The following URI1 variants were observed in gnomAD, a reference collection of about 807,000 sequenced individuals.
URI1 encodes the protein URI1 prefoldin like chaperone, also known as unconventional prefoldin RPB5 interactor 1.
Under a neutral mutation model 60.2 loss-of-function variants are expected in URI1, and 39 were observed. The ratio of observed to expected loss-of-function variants is 0.65; its 90% CI spans 0.50 to 0.85. The LOEUF is 0.85. Among genes scored for constraint, URI1 ranks in the 40% least tolerant of loss-of-function variants. The pLI is 0.00. For missense variants in URI1, 691 were observed against 665.9 expected (o/e 1.04, Z -0.42); for synonymous variants, 251 against 236.8 (o/e 1.06, Z -0.55).
intron 1 of URI1, among the ~76,000 whole-genome samples, chr19:29,967,740 G>C (rs1367986367): frequency 6.6e-6 from 1 of 152,192 alleles, no homozygotes; most frequent in Non-Finnish European, 1.5e-5. Context: ...TATAGGGACT[G>C]TGCACTTTAG....
At chr19:29,973,602 T>A (rs914592733) in intron 2 of URI1, among the ~76,000 whole-genome samples, 3 of 152,062 alleles carry the variant, frequency 2.0e-5, no homozygotes, top group African/African-American at 7.2e-5. Context: ...TCAGAAATAA[T>A]CTAAATTGGT....
chr19:29,994,502 A>G (rs927819349), intron 4 of URI1, among the ~76,000 whole-genome samples: 1 of 152,178 alleles, frequency 6.6e-6, no homozygotes, highest in Admixed American at 6.5e-5. Flanking sequence ...GATACCTTAC[A>G]TAAGTGGAAT....
intron 4 of URI1, among the ~76,000 whole-genome samples, chr19:29,997,953 C>T (rs367970795): frequency 6.6e-5 from 10 of 152,046 alleles, no homozygotes; most frequent in African/African-American, 1.2e-4. Flanking sequence ...TTAGTAGAGT[C>T]GGGGTTTCAC....
intron 4 of URI1, among the ~76,000 whole-genome samples, chr19:29,990,258 G>C (rs537360263): frequency 6.6e-6 from 1 of 152,310 alleles, no homozygotes; most frequent in African/African-American, 2.4e-5. Context: ...TTGTTGGTGA[G>C]GATGTGAAAA....
intron 4 of URI1, among the ~76,000 whole-genome samples, chr19:29,991,763 A>G (rs963721091): frequency 2.0e-4 from 30 of 152,294 alleles, no homozygotes; most frequent in Admixed American, 1.8e-3. Context: ...AATACTCCCT[A>G]TAAGTTTAGG....
At position 29,942,926 on chromosome 19, in the gene URI1, G is replaced by A. The variant is rs888806; in HGVS notation, c.117+262G>A. Among the ~76,000 whole-genome samples, 1,126 of 152,332 alleles carry A rather than the reference G, an allele frequency of 7.4e-3. 43 individuals are homozygous for A. The East Asian group carries it at 0.13, about 18-fold the overall frequency. ...TGCGGCAGCGCGTGGGAATTTGGGG[G>A]CGGGGGCAGCACGCTGTCAACGGAA... is the stretch of plus-strand genomic sequence containing the variant. On this transcript the variant is annotated intron_variant, in intron 1 of 10. Transcript: ENST00000392271.
At chr19:29,965,378 C>T (rs955855288) in intron 1 of URI1, among the ~76,000 whole-genome samples, 5 of 152,104 alleles carry the variant, frequency 3.3e-5, no homozygotes, top group Non-Finnish European at 7.4e-5. Flanking sequence ...AAACAGTGGG[C>T]ATGCAAGGTG....
intron 1 of URI1, among the ~76,000 whole-genome samples, chr19:29,929,787 G>T (rs2054900844): frequency 6.6e-6 from 1 of 151,640 alleles, no homozygotes; most frequent in Admixed American, 6.6e-5. Flanking sequence ...TGCTCATTTT[G>T]GGGTTTTCCA....
At chr19:29,956,285 CTTTTTTTT>C (rs369678110) in intron 1 of URI1, 2 of 375,072 alleles carry the variant, frequency 5.3e-6, no homozygotes, top group Non-Finnish European at 8.6e-6. Context: ...CCAGAGTAGT[CTTTTTTTT>C]TTTTTTTTTT....
chr19:29,935,474 T>A lies in URI1; in HGVS notation c.63+11720T>A, dbSNP rs182335567. On this transcript the variant is annotated intron_variant, in intron 1 of 10. Transcript: ENST00000360605. Reference sequence around the variant, plus strand: ...TAATACTGGCTTTTATATTTACTGATGTATGTAGTTACTATTTTTATCAGT... The same window carrying A: ...TAATACTGGCTTTTATATTTACTGAAGTATGTAGTTACTATTTTTATCAGT... Among the ~76,000 whole-genome samples, 142 of 152,328 alleles carry A rather than the reference T, an allele frequency of 9.3e-4. 4 individuals are homozygous for A. Among genetic ancestry groups the A allele is most frequent in the Admixed American group, 9.2e-3 (141 of 15,300 alleles).
chr19:29,968,100 C>T (rs1230606754), intron 1 of URI1, among the ~76,000 whole-genome samples: 2 of 152,134 alleles, frequency 1.3e-5, no homozygotes, highest in Admixed American at 6.5e-5. Flanking sequence ...TGCTGTACTT[C>T]TATGTAGGTA....
intron 4 of URI1, among the ~76,000 whole-genome samples, chr19:29,997,596 C>G (rs778538304): frequency 6.6e-6 from 1 of 151,854 alleles, no homozygotes; most frequent in African/African-American, 2.4e-5. Flanking sequence ...GTTCAGTTTA[C>G]TCTTTCTTTT....
Position 29,971,205 on chromosome 19 carries a change from TGC to T in URI1, c.131_132del (p.Cys44SerfsTer12). The T allele has an allele frequency of 6.2e-7, 1 of 1,613,372 alleles. No individual in the cohort carries two copies. The highest frequency in any genetic ancestry group is 8.5e-7 in the Non-Finnish European group (1 of 1,179,466). Reference protein sequence around the residue: ...REEQEKVVTNCQERIQHWKKV... With the variant: ...REEQEKVVTNXQERIQHWKKV... ...GTTTTCATGACAGGTGGTCACTAAC[TGC>T]CAAGAGAGAATCCAGCATTGGTGAG... On this transcript the variant is annotated frameshift_variant, in exon 2 of 11. Transcript: ENST00000392271. LOFTEE classifies it high-confidence loss of function.
rs1252442263 is a variant in URI1, at chr19:29,942,648, G to T, written c.101G>T (p.Arg34Leu). ...CGCGCCCCGGATGTGGCGCGGCTGC[G>T]CGAGGAGCAGGAAAAGGTAACTAGC... is the stretch of plus-strand genomic sequence containing the variant. ...PLRAPDVARL[R>L]EEQEKVVTNC... The change falls in exon 1 of 11, where the codon CGC becomes CTC. Residue 34 changes from arginine (R) to leucine (L), a missense_variant. Physicochemically the swap from Arg to Leu is moderately radical, Grantham distance 102 (BLOSUM62 -2). Transcript: ENST00000392271. 1 of 1,445,554 alleles carries T rather than the reference G, an allele frequency of 6.9e-7. No individual in the cohort carries two copies. Among genetic ancestry groups the T allele is most frequent in the South Asian group, 1.4e-5 (1 of 70,656 alleles). The allele number at this position is 1,445,554 out of a possible 1,614,324, so 89.5% of individuals were successfully genotyped here.
chr19:29,967,890 G>A (rs999292056), intron 1 of URI1, among the ~76,000 whole-genome samples: 46 of 152,102 alleles, frequency 3.0e-4, no homozygotes, highest in African/African-American at 1.0e-3. Flanking sequence ...GATTTAAACC[G>A]CCTCCATTGA....
chr19:29,962,548 C>T (rs1001531722), intron 1 of URI1, among the ~76,000 whole-genome samples: 5 of 151,296 alleles, frequency 3.3e-5, no homozygotes, highest in African/African-American at 1.2e-4. Flanking sequence ...AACACCACAA[C>T]ACTGTATTTA....
At chr19:29,982,067 C>T (rs934857969) in intron 2 of URI1, among the ~76,000 whole-genome samples, 13 of 152,278 alleles carry the variant, frequency 8.5e-5, no homozygotes, top group African/African-American at 2.2e-4. Flanking sequence ...AACATTTCCA[C>T]GAATGTAGCC....
At chr19:29,956,338 A>G (rs796633092) in intron 1 of URI1, 5 of 879,182 alleles carry the variant, frequency 5.7e-6, no homozygotes, top group African/African-American at 5.5e-5. Context: ...CTTTTATTGC[A>G]TCATTGAAAT....
chr19:29,999,796 A>T (rs2055855416), intron 4 of URI1, among the ~76,000 whole-genome samples: 1 of 152,020 alleles, frequency 6.6e-6, no homozygotes, highest in Admixed American at 6.6e-5. Context: ...ATAGATGTAT[A>T]TAGCTTTAAA....
Sources: allele counts gnomAD v4.1 joint callset (sites outside exome capture counted in the v4.1 genomes callset), GRCh38; gene constraint gnomAD v4.1.1; transcripts MANE v1.5; gene names NCBI Gene and HGNC (gene_info 2026-07-23, HGNC 2026-07-21).